Variants in INPP4A observed in about 807,000 individuals in gnomAD.
INPP4A encodes the protein inositol polyphosphate-4-phosphatase type I A.
A neutral mutation model predicts 119.8 loss-of-function variants in INPP4A; 33 were observed. The ratio of observed to expected loss-of-function variants is 0.28; its 90% CI spans 0.21 to 0.37. The LOEUF (loss-of-function observed/expected upper bound fraction) is 0.37, where lower values mean the gene tolerates loss of function less well. INPP4A is among the 10% of genes least tolerant of loss of function. INPP4A has a pLI of 1.00. For missense variants in INPP4A, 956 were observed against 1,289.9 expected (o/e 0.74, Z 3.97); for synonymous variants, 496 against 500.7 (o/e 0.99, Z 0.12).
intron 1 of INPP4A, among the ~76,000 whole-genome samples, chr2:98,475,336 G>T (rs12477925): frequency 6.6e-6 from 1 of 152,070 alleles, no homozygotes; most frequent in Non-Finnish European, 1.5e-5. Context: ...ATTTAAGCCA[G>T]GGAGTTATTA....
At chr2:98,560,660 G>A (rs150618492) in intron 17 of INPP4A, among the ~76,000 whole-genome samples, 274 of 152,302 alleles carry the variant, frequency 1.8e-3, no homozygotes, top group Non-Finnish European at 3.0e-3. Context: ...CTCCTCCTCC[G>A]TTGCCTCCCC....
chr2:98,518,255 A>G (rs1347413405), intron 1 of INPP4A, among the ~76,000 whole-genome samples: 1 of 152,252 alleles, frequency 6.6e-6, no homozygotes, highest in Non-Finnish European at 1.5e-5. Flanking sequence ...CTCCCCCACC[A>G]GGCCACTGCC....
intron 1 of INPP4A, among the ~76,000 whole-genome samples, chr2:98,500,663 G>A (rs1038474268): frequency 6.6e-6 from 1 of 152,176 alleles, no homozygotes; most frequent in Non-Finnish European, 1.5e-5. Flanking sequence ...AACATTGAGA[G>A]TAAAGTGGAT....
chr2:98,544,059 A>T, intron 11 of INPP4A, 52 bp downstream of exon 11: 2 of 1,486,120 alleles, frequency 1.3e-6, no homozygotes, highest in Non-Finnish European at 1.8e-6. Flanking sequence ...ACACACACAC[A>T]CACACTCTCA....
Position 98,538,468 on chromosome 2 carries a change from G to A in INPP4A, c.580-423G>A, listed in dbSNP as rs1032655671. ...CCTCCTGCACCCACTGTCATGCATA[G>A]TCTCTCACACAGACACTCAAAGAAA... is the stretch of plus-strand genomic sequence containing the variant. On this transcript the variant is annotated intron_variant, in intron 8 of 24. Transcript: ENST00000409851. Among the ~76,000 whole-genome samples, 3 of 152,136 alleles carry A rather than the reference G, an allele frequency of 2.0e-5. No homozygotes were observed. In the South Asian group the frequency reaches 6.2e-4, roughly 32 times the overall value.
intron 1 of INPP4A, among the ~76,000 whole-genome samples, chr2:98,474,101 G>A (rs189075878): frequency 3.3e-5 from 5 of 152,264 alleles, no homozygotes; most frequent in East Asian, 1.9e-4. Flanking sequence ...GTGTGCATTC[G>A]TTTGAGCAGC....
chr2:98,513,458 T>TTCACTCAC (rs527566730), intron 1 of INPP4A, among the ~76,000 whole-genome samples: 2 of 152,202 alleles, frequency 1.3e-5, no homozygotes, highest in African/African-American at 2.4e-5. Context: ...GAGACATTCA[T>TTCACTCAC]TCACTCACTC....
chr2:98,563,048 AC>A (rs1296041679), intron 17 of INPP4A, among the ~76,000 whole-genome samples: 1 of 152,080 alleles, frequency 6.6e-6, no homozygotes, highest in Non-Finnish European at 1.5e-5. Context: ...ATCACAGAGA[AC>A]CTTTCTGGGT....
chr2:98,482,256 G>A (rs1678620417), intron 1 of INPP4A, among the ~76,000 whole-genome samples: 1 of 152,194 alleles, frequency 6.6e-6, no homozygotes, highest in South Asian at 2.1e-4. Context: ...TACACCTGTG[G>A]TTCCCACATT....
At chr2:98,525,250 G>C (rs1413747714) in intron 4 of INPP4A, among the ~76,000 whole-genome samples, 1 of 152,118 alleles carries the variant, frequency 6.6e-6, no homozygotes, top group East Asian at 1.9e-4. Flanking sequence ...TTCAAAGCTG[G>C]CAGTGGCAGG....
intron 13 of INPP4A, among the ~76,000 whole-genome samples, chr2:98,547,861 T>A (rs978785051): frequency 6.6e-6 from 1 of 151,654 alleles, no homozygotes; most frequent in Non-Finnish European, 1.5e-5. Flanking sequence ...GCATGTGGGC[T>A]GGGGAGGGTC....
At chr2:98,545,431 G>A (rs1692295652) in intron 11 of INPP4A, among the ~76,000 whole-genome samples, 1 of 152,120 alleles carries the variant, frequency 6.6e-6, no homozygotes, top group Non-Finnish European at 1.5e-5. Context: ...TCAGAAGGCC[G>A]GAATCAATGC....
intron 8 of INPP4A, among the ~76,000 whole-genome samples, chr2:98,538,634 T>A (rs1334636653): frequency 6.6e-6 from 1 of 152,374 alleles, no homozygotes; most frequent in East Asian, 1.9e-4. Context: ...TTTTCGTTTT[T>A]ACATCAGAAC....
At chr2:98,465,700 A>G (rs748247202) in intron 1 of INPP4A, among the ~76,000 whole-genome samples, 4 of 151,968 alleles carry the variant, frequency 2.6e-5, no homozygotes, top group Non-Finnish European at 5.9e-5. Context: ...TCATTTTGTC[A>G]TGTTGCTGGG....
At chr2:98,489,253 A>G (rs954171906) in intron 1 of INPP4A, among the ~76,000 whole-genome samples, 1 of 152,080 alleles carries the variant, frequency 6.6e-6, no homozygotes, top group African/African-American at 2.4e-5. Context: ...CTCGGGTCTC[A>G]GTGGATACCA....
At chr2:98,581,473 C>T (rs1271239005) in intron 24 of INPP4A, 5 of 1,127,390 alleles carry the variant, frequency 4.4e-6, no homozygotes, top group Non-Finnish European at 6.1e-6. Context: ...TTGTTTATCC[C>T]ATCCTTTTTG....
In INPP4A at chr2:98,483,871, CG is replaced by C. The variant is rs994383400; in HGVS notation, c.-165-35091del. ...CATCTGTAGTCAGTCTAGTGAAGTC[CG>C]GTCTTCCTCTCCACCCTCTTGCCTG... On this transcript the variant is annotated intron_variant, in intron 1 of 24. Coordinates refer to ENST00000409851, the MANE Select transcript of INPP4A (RefSeq NM_001134225.2). Among the ~76,000 whole-genome samples the C allele has an allele frequency of 7.3e-4, 111 of 152,210 alleles. 1 individual carries two copies. Among genetic ancestry groups the C allele is most frequent in the African/African-American group, 2.5e-3 (104 of 41,520 alleles).
At chr2:98,527,173 T>C (rs1417730466) in intron 4 of INPP4A, among the ~76,000 whole-genome samples, 1 of 152,296 alleles carries the variant, frequency 6.6e-6, no homozygotes, top group East Asian at 1.9e-4. Context: ...TTTGATGTTA[T>C]AGTGAAAATC....
chr2:98,470,736 C>T (rs968961825), intron 1 of INPP4A, among the ~76,000 whole-genome samples: 1 of 151,954 alleles, frequency 6.6e-6, no homozygotes, highest in Non-Finnish European at 1.5e-5. Context: ...GGCGCGACCT[C>T]GGCTCACTGC....
Sources: allele counts gnomAD v4.1 joint callset (sites outside exome capture counted in the v4.1 genomes callset), GRCh38; gene constraint gnomAD v4.1.1; transcripts MANE v1.5; gene names NCBI Gene and HGNC (gene_info 2026-07-23, HGNC 2026-07-21).